The following QRICH1 variants were observed in gnomAD, a reference collection of about 807,000 sequenced individuals.
QRICH1 encodes transcriptional regulator QRICH1.
QRICH1 carries 16 observed loss-of-function variants against 87.1 expected under a neutral mutation model. The ratio of observed to expected loss-of-function variants is 0.18; its 90% CI spans 0.12 to 0.28. The LOEUF is 0.28. QRICH1 is among the 10% of genes least tolerant of loss of function. QRICH1 has a pLI of 1.00. For missense variants in QRICH1, 647 were observed against 951.7 expected (o/e 0.68, Z 4.21); for synonymous variants, 367 against 368.4 (o/e 1.00, Z 0.05).
At chr3:49,083,934 T>G (rs1371761013) in intron 1 of QRICH1, among the ~76,000 whole-genome samples, 2 of 151,716 alleles carry the variant, frequency 1.3e-5, no homozygotes, top group African/African-American at 4.8e-5. Context: ...CCCGAGTAGC[T>G]AGGATTACAG....
chr3:49,040,616 G>C (rs558599588), intron 6 of QRICH1, among the ~76,000 whole-genome samples: 1 of 152,278 alleles, frequency 6.6e-6, no homozygotes, highest in South Asian at 2.1e-4. Flanking sequence ...TGTCTAACCA[G>C]TAAGTTTCTT....
At chr3:49,081,270 A>G (rs1458609598) in intron 1 of QRICH1, among the ~76,000 whole-genome samples, 1 of 152,126 alleles carries the variant, frequency 6.6e-6, no homozygotes, top group African/African-American at 2.4e-5. Flanking sequence ...TATAAAAATT[A>G]GCCGGGCATG....
chr3:49,062,684 A>G (rs951014257), intron 2 of QRICH1, among the ~76,000 whole-genome samples: 5 of 151,238 alleles, frequency 3.3e-5, no homozygotes, highest in African/African-American at 4.9e-5. Context: ...TGGGTAACTT[A>G]TATCTCAATA....
chr3:49,080,891 T>C (rs2042045070), intron 1 of QRICH1, among the ~76,000 whole-genome samples: 1 of 131,894 alleles, frequency 7.6e-6, no homozygotes, highest in African/African-American at 2.8e-5. Context: ...TAAAAACAGC[T>C]AAGTATGCTT....
At chr3:49,058,122 A>C in intron 2 of QRICH1, 1 of 685,960 alleles carries the variant, frequency 1.5e-6, no homozygotes, top group Non-Finnish European at 2.3e-6. Context: ...CAAGACAATT[A>C]ACTGGGGCCT....
chr3:49,051,795 G>A (rs552655849), intron 3 of QRICH1, among the ~76,000 whole-genome samples: 109 of 152,224 alleles, frequency 7.2e-4, no homozygotes, highest in Admixed American at 1.5e-3. Flanking sequence ...GTAGGCAGTG[G>A]CTAGAGCATG....
intron 2 of QRICH1, among the ~76,000 whole-genome samples, chr3:49,062,800 G>A (rs896546526): frequency 6.6e-6 from 1 of 152,000 alleles, no homozygotes; most frequent in Non-Finnish European, 1.5e-5. Flanking sequence ...GAGGTCAGGA[G>A]ATCAAGACCA....
At chr3:49,091,166 T>A (rs1185049966) in intron 1 of QRICH1, among the ~76,000 whole-genome samples, 1 of 152,146 alleles carries the variant, frequency 6.6e-6, no homozygotes, top group East Asian at 1.9e-4. Flanking sequence ...GAGGTTGCAG[T>A]GAGCCAAGAT....
intron 1 of QRICH1, among the ~76,000 whole-genome samples, chr3:49,093,075 A>G (rs1178730123): frequency 1.3e-5 from 2 of 152,202 alleles, no homozygotes. Context: ...TTATGGACGT[A>G]TTAGTTTCTA....
chr3:49,077,210 T>G (rs543244918), intron 1 of QRICH1, among the ~76,000 whole-genome samples, 172 bp from the exon 2 acceptor site: 29 of 152,210 alleles, frequency 1.9e-4, no homozygotes, highest in African/African-American at 6.7e-4. Context: ...TGTTTGAAAA[T>G]TATTTCTATT....
At chr3:49,069,112 T>A (rs541951968) in intron 2 of QRICH1, among the ~76,000 whole-genome samples, 1,609 of 145,934 alleles carry the variant, frequency 0.011, 16 homozygotes, top group Middle Eastern at 0.032. Context: ...TTATTATTTT[T>A]TTTTTTTTTT....
chr3:49,057,835 T>C lies in QRICH1; in HGVS notation c.365A>G (p.Gln122Arg). 6.2e-7 allele frequency: 1 copy of C among 1,613,950 alleles called. No individual in the cohort carries two copies. The highest frequency in any genetic ancestry group is 8.5e-7 in the Non-Finnish European group (1 of 1,179,986). The stretch of plus-strand genomic sequence containing the variant: ...CTCAGTAGGCTGGTGAACGGTGAGT[T>C]GTGGGGAGAGCTGAGCCGAGACCTG... ...PQQVSAQLSP[Q>R]LTVHQPTEQP... The change falls in exon 3 of 10, where the codon CAA (glutamine) becomes CGA (arginine). Residue 122 changes from glutamine to arginine, a missense_variant. Physicochemically the swap from Gln to Arg is conservative, Grantham distance 43. This residue lies in a region of QRICH1 where 156 missense variants were observed against 164.5 expected (regional missense o/e 0.95). Transcript: ENST00000395443. This position sits in a 1 kb window ranked among gnomAD's most constrained non-coding sequence, Gnocchi z 5.4.
chr3:49,069,296 G>T (rs182330106), intron 2 of QRICH1, among the ~76,000 whole-genome samples: 4 of 151,094 alleles, frequency 2.6e-5, no homozygotes, highest in Non-Finnish European at 5.9e-5. Flanking sequence ...TAGAGACGGG[G>T]TTTCACCATC....
At chr3:49,077,315 C>G (rs878856695) in intron 1 of QRICH1, among the ~76,000 whole-genome samples, 1 of 152,056 alleles carries the variant, frequency 6.6e-6, no homozygotes, top group Admixed American at 6.6e-5. Flanking sequence ...CACTTCCTAC[C>G]CAGCACTAGG....
At chr3:49,044,990 T>C (rs950118098) in intron 5 of QRICH1, among the ~76,000 whole-genome samples, 1 of 151,770 alleles carries the variant, frequency 6.6e-6, no homozygotes, top group Non-Finnish European at 1.5e-5. Flanking sequence ...AGGCAGACAT[T>C]TCTCAAGACT....
intron 6 of QRICH1, among the ~76,000 whole-genome samples, chr3:49,037,138 T>C (rs1422562970): frequency 3.9e-5 from 5 of 129,680 alleles, no homozygotes; most frequent in East Asian, 2.4e-4. Flanking sequence ...GAAGTAATAA[T>C]AACATTAGAA....
intron 2 of QRICH1, among the ~76,000 whole-genome samples, chr3:49,069,312 C>T (rs1256108666): frequency 6.6e-6 from 1 of 151,218 alleles, no homozygotes. Flanking sequence ...CCATCTTGGC[C>T]AGGCTGATCT....
At chr3:49,047,026 A>G (rs756481444) in intron 4 of QRICH1, 43 bp downstream of exon 4, 6 of 1,582,766 alleles carry the variant, frequency 3.8e-6, no homozygotes, top group Non-Finnish European at 5.2e-6. Context: ...CTTTAGTACC[A>G]TTGCATTTTA....
At position 49,033,003 on chromosome 3, in the gene QRICH1, G is replaced by C. The variant is rs1220563113; in HGVS notation, c.1895+117C>G. The C allele has an allele frequency of 4.1e-6, 4 of 981,120 alleles. No individual in the cohort carries two copies. In the East Asian group the frequency reaches 1.1e-4, roughly 28 times the overall value. The allele number at this position is 981,120 out of a possible 1,614,324, so 60.8% of individuals were successfully genotyped here. A position where few individuals can be genotyped will look rare whatever the true frequency, so the allele number is the denominator to read the frequency against. On this transcript the variant is annotated intron_variant, in intron 7 of 9. Transcript: ENST00000395443. ...AATAAAATGCAGCCAAGTGGGGTTA[G>C]GGCTTTCAGTAGCCCAGTTTCTCAA... is the stretch of plus-strand genomic sequence containing the variant.
Sources: gnomAD v4.1 joint callset for allele counts (sites outside exome capture counted in the v4.1 genomes callset) on GRCh38, gnomAD v4.1.1 for gene constraint, gnomAD v4.1.1 regional missense constraint, Gnocchi (gnomAD v3.1) non-coding constraint, MANE v1.5 for transcripts, NCBI Gene and HGNC (gene_info 2026-07-23, HGNC 2026-07-21) for gene names.